The following POU2F1 variants were observed in gnomAD, a reference collection of about 807,000 sequenced individuals.
POU2F1 encodes POU class 2 homeobox 1.
A neutral mutation model predicts 84.9 loss-of-function variants in POU2F1; 16 were observed. That is an observed-to-expected ratio of 0.19 (90% CI 0.13 to 0.29). POU2F1 has a LOEUF of 0.29. Ranked by LOEUF, POU2F1 falls within the 10% of genes least tolerant of loss-of-function variation. The pLI, the probability that POU2F1 is intolerant of heterozygous loss-of-function variation, is 1.00. For missense variants in POU2F1, 738 were observed against 942.6 expected (o/e 0.78, Z 2.84); for synonymous variants, 368 against 368.3 (o/e 1.00, Z 0.01).
chr1:167,236,413 T>C (rs1649460349), intron 1 of POU2F1, among the ~76,000 whole-genome samples: 1 of 152,132 alleles, frequency 6.6e-6, no homozygotes, highest in South Asian at 2.1e-4. Context: ...CATCTTCTTA[T>C]TAAATTTTTA....
chr1:167,370,415 A>C (rs1474769806), intron 4 of POU2F1, among the ~76,000 whole-genome samples: 1 of 152,210 alleles, frequency 6.6e-6, no homozygotes, highest in Non-Finnish European at 1.5e-5. Context: ...GCATGAACCA[A>C]AAATGGACAG....
At chr1:167,412,341 G>T in intron 14 of POU2F1, 37 bp downstream of exon 14, 4 of 1,475,652 alleles carry the variant, frequency 2.7e-6, no homozygotes, top group Non-Finnish European at 3.6e-6. Flanking sequence ...GTCTGAGGTG[G>T]AGGTCATCCC....
At chr1:167,319,844 C>T (rs569668420) in intron 1 of POU2F1, among the ~76,000 whole-genome samples, 80 of 152,252 alleles carry the variant, frequency 5.3e-4, no homozygotes, top group Non-Finnish European at 5.6e-4. Flanking sequence ...ATTAACTCCT[C>T]CTGTAAAAGA....
At chr1:167,398,652 G>C (rs1648980512) in intron 11 of POU2F1, among the ~76,000 whole-genome samples, 1 of 152,120 alleles carries the variant, frequency 6.6e-6, no homozygotes, top group African/African-American at 2.4e-5. Flanking sequence ...TTATTTTTTT[G>C]TACCAGGTAA....
At chr1:167,404,899 T>C (rs1649467043) in intron 13 of POU2F1, among the ~76,000 whole-genome samples, 1 of 152,228 alleles carries the variant, frequency 6.6e-6, no homozygotes, top group South Asian at 2.1e-4. Flanking sequence ...CCAGAGCTCT[T>C]TTTCCCTTTT....
intron 1 of POU2F1, among the ~76,000 whole-genome samples, chr1:167,277,888 A>G (rs1047232716): frequency 6.6e-6 from 1 of 152,180 alleles, no homozygotes; most frequent in African/African-American, 2.4e-5. Flanking sequence ...GACATCCTTT[A>G]ATAATTTTCA....
intron 9 of POU2F1, among the ~76,000 whole-genome samples, chr1:167,392,330 G>A (rs1300554487): frequency 2.6e-5 from 4 of 151,348 alleles, no homozygotes; most frequent in Non-Finnish European, 5.9e-5. Flanking sequence ...CCAGCTTTGG[G>A]GGTGACAGAG....
intron 1 of POU2F1, among the ~76,000 whole-genome samples, chr1:167,311,749 A>G (rs1047993211): frequency 3.7e-4 from 56 of 151,464 alleles, no homozygotes; most frequent in African/African-American, 1.3e-3. Context: ...ATTTTAAGCT[A>G]CTATGGGTTA....
Position 167,276,690 on chromosome 1 carries a change from A to G in POU2F1, c.61+55732A>G, listed in dbSNP as rs190829548. ...AATTTTGCCACCAGCACCATCCTCA[A>G]CCATTCTGAATTATAAAGTGTTAAA... is the stretch of plus-strand genomic sequence containing the variant. On this transcript the variant is annotated intron_variant, in intron 1 of 15. Transcript: ENST00000367866. Among the ~76,000 whole-genome samples the G allele has an allele frequency of 2.0e-3, 297 of 152,278 alleles. 2 individuals carry two copies. The highest frequency in any genetic ancestry group is 7.5e-3 in the East Asian group (39 of 5,178).
intron 1 of POU2F1, among the ~76,000 whole-genome samples, chr1:167,233,067 T>G (rs1214072023): frequency 6.6e-6 from 1 of 152,086 alleles, no homozygotes; most frequent in South Asian, 2.1e-4. Flanking sequence ...TCTACAGGTA[T>G]ACCATTTTTA....
chr1:167,372,764 G>A (rs926815596), intron 5 of POU2F1, among the ~76,000 whole-genome samples: 1 of 152,150 alleles, frequency 6.6e-6, no homozygotes, highest in African/African-American at 2.4e-5. Context: ...AAGCTTTTAA[G>A]TTTTCAGCTG....
At chr1:167,241,084 G>C (rs767596754) in intron 1 of POU2F1, among the ~76,000 whole-genome samples, 1 of 152,162 alleles carries the variant, frequency 6.6e-6, no homozygotes, top group East Asian at 1.9e-4. Flanking sequence ...GGAGGTTGCC[G>C]TGAGCCAAGA....
intron 1 of POU2F1, among the ~76,000 whole-genome samples, chr1:167,225,325 A>G (rs1368939795): frequency 1.3e-5 from 2 of 152,240 alleles, no homozygotes; most frequent in African/African-American, 4.8e-5. Context: ...GTCATTGTCA[A>G]AAATCCCAGT....
intron 1 of POU2F1, among the ~76,000 whole-genome samples, chr1:167,325,899 A>G (rs2101711299): frequency 6.6e-6 from 1 of 152,170 alleles, no homozygotes; most frequent in African/African-American, 2.4e-5. Context: ...AAAAAAAAAA[A>G]AAAACTAGTA....
At chr1:167,396,946 A>G (rs1342277140) in intron 10 of POU2F1, 2 of 153,274 alleles carry the variant, frequency 1.3e-5, no homozygotes, top group Non-Finnish European at 2.9e-5. Context: ...ATCATAGACT[A>G]TGAAAGCTGT....
intron 3 of POU2F1, among the ~76,000 whole-genome samples, chr1:167,369,860 A>G (rs969393999): frequency 5.9e-5 from 9 of 152,232 alleles, no homozygotes; most frequent in African/African-American, 1.9e-4. Flanking sequence ...TTCTGTGAAT[A>G]CAAACAATGT....
chr1:167,310,492 G>A (rs1356767133), intron 1 of POU2F1, among the ~76,000 whole-genome samples: 2 of 151,854 alleles, frequency 1.3e-5, no homozygotes, highest in African/African-American at 4.8e-5. Flanking sequence ...CAGTCAAATA[G>A]TATAAAAACA....
intron 1 of POU2F1, among the ~76,000 whole-genome samples, chr1:167,221,915 G>A (rs527464642): frequency 1.3e-5 from 2 of 152,044 alleles, no homozygotes; most frequent in African/African-American, 4.8e-5. Context: ...CCCGGCCGGC[G>A]GTCGGCAGCC....
chr1:167,422,858 C>CT lies in POU2F1; in HGVS notation c.*7052dup, dbSNP rs1482092684. The CT allele has an allele frequency of 6.6e-6, 1 of 152,186 alleles. No homozygotes were observed. Among genetic ancestry groups the CT allele is most frequent in the Non-Finnish European group, 1.5e-5 (1 of 68,034 alleles). 9.4% of individuals were successfully genotyped at this position (152,186 alleles called of 1,614,324 possible). ...AGCTTTACTTTATCTCTTTCCTTCC[C>CT]TTTTCCCCTTTTCCCAGTCCCCTGC... is the stretch of plus-strand genomic sequence containing the variant. On this transcript the variant is annotated 3_prime_UTR_variant, in exon 16 of 16. Transcript: ENST00000367866.
Sources: gnomAD v4.1 joint callset for allele counts (sites outside exome capture counted in the v4.1 genomes callset) on GRCh38, gnomAD v4.1.1 for gene constraint, MANE v1.5 for transcripts, NCBI Gene and HGNC (gene_info 2026-07-23, HGNC 2026-07-21) for gene names.